ST6GALNAC3: variants seen among roughly 807,000 people sequenced by gnomAD.
ST6GALNAC3 encodes ST6 N-acetylgalactosaminide alpha-2,6-sialyltransferase 3.
In ST6GALNAC3, 25 loss-of-function variants were observed where a neutral mutation model predicts 32.7. That is an observed-to-expected ratio of 0.76 (90% CI 0.56 to 1.07). The LOEUF is 1.07. ST6GALNAC3 is among the 50% of genes least tolerant of loss of function. The pLI, the probability that ST6GALNAC3 is intolerant of heterozygous loss-of-function variation, is 0.00. For missense variants in ST6GALNAC3, 355 were observed against 382.4 expected (o/e 0.93, Z 0.60); for synonymous variants, 129 against 133.1 (o/e 0.97, Z 0.21).
At chr1:76,607,742 TA>T (rs1647655012) in intron 3 of ST6GALNAC3, among the ~76,000 whole-genome samples, 1 of 152,122 alleles carries the variant, frequency 6.6e-6, no homozygotes, top group Non-Finnish European at 1.5e-5. Context: ...GTGCAAGTCT[TA>T]TACAAACAGG....
chr1:76,570,160 G>A (rs1180718631), intron 3 of ST6GALNAC3, among the ~76,000 whole-genome samples: 3 of 152,130 alleles, frequency 2.0e-5, no homozygotes, highest in African/African-American at 7.2e-5. Context: ...ACTCATGTTT[G>A]TTGAGCTAAT....
At chr1:76,335,179 G>T (rs889137135) in intron 2 of ST6GALNAC3, among the ~76,000 whole-genome samples, 1 of 152,186 alleles carries the variant, frequency 6.6e-6, no homozygotes, top group African/African-American at 2.4e-5. Flanking sequence ...CTCTTACCAT[G>T]CAGTTTATAA....
At chr1:76,325,801 A>G (rs1458400446) in intron 2 of ST6GALNAC3, among the ~76,000 whole-genome samples, 2 of 150,730 alleles carry the variant, frequency 1.3e-5, no homozygotes, top group African/African-American at 2.4e-5. Context: ...AAATATATAT[A>G]TATATATTTG....
At chr1:76,284,012 G>C (rs1293158281) in intron 1 of ST6GALNAC3, among the ~76,000 whole-genome samples, 1 of 144,940 alleles carries the variant, frequency 6.9e-6, no homozygotes, top group Non-Finnish European at 1.5e-5. Flanking sequence ...TTTTGCCCTG[G>C]CTTGTTGGGA....
chr1:76,625,514 A>G (rs560536445), intron 3 of ST6GALNAC3, among the ~76,000 whole-genome samples: 2 of 152,088 alleles, frequency 1.3e-5, no homozygotes, highest in African/African-American at 4.8e-5. Context: ...CCATAGGAAT[A>G]ATAACCAGAC....
chr1:76,171,858 A>G (rs902174090), intron 1 of ST6GALNAC3, among the ~76,000 whole-genome samples: 8 of 76,010 alleles, frequency 1.1e-4, no homozygotes, highest in East Asian at 1.1e-3. Flanking sequence ...GAAAAACAAA[A>G]CAGGACCAGA....
chr1:76,613,729 C>T (rs767314747), intron 3 of ST6GALNAC3, among the ~76,000 whole-genome samples: 7 of 152,214 alleles, frequency 4.6e-5, no homozygotes, highest in Non-Finnish European at 1.0e-4. Flanking sequence ...GCTCTGGCCA[C>T]GTAAGACGTG....
At chr1:76,272,435 A>G (rs778198046) in intron 1 of ST6GALNAC3, among the ~76,000 whole-genome samples, 29 of 152,154 alleles carry the variant, frequency 1.9e-4, no homozygotes, top group Non-Finnish European at 3.1e-4. Flanking sequence ...CATTCTTTTT[A>G]CAGATGAGAG....
chr1:76,165,861 G>GT (rs1014529061), intron 1 of ST6GALNAC3, among the ~76,000 whole-genome samples: 10 of 149,230 alleles, frequency 6.7e-5, no homozygotes, highest in South Asian at 2.1e-4. Flanking sequence ...TTTCTAATGG[G>GT]TTTTTTTTCT....
chr1:76,544,055 A>G (rs999052980), intron 3 of ST6GALNAC3, among the ~76,000 whole-genome samples: 1 of 146,238 alleles, frequency 6.8e-6, no homozygotes, highest in African/African-American at 2.5e-5. Flanking sequence ...AGTGGGGGAG[A>G]TAGTCATCAT....
intron 1 of ST6GALNAC3, among the ~76,000 whole-genome samples, chr1:76,164,210 T>C (rs768491762): frequency 1.3e-5 from 2 of 152,146 alleles, no homozygotes; most frequent in Non-Finnish European, 2.9e-5. Context: ...AGGCTGCTGC[T>C]GTGAGGGTGC....
intron 3 of ST6GALNAC3, among the ~76,000 whole-genome samples, chr1:76,485,929 G>T (rs981336153): frequency 6.8e-4 from 104 of 152,212 alleles, no homozygotes; most frequent in African/African-American, 2.1e-3. Flanking sequence ...TTGTGTCTTT[G>T]TTCTCATTGG....
chr1:76,407,072 A>G (rs1257577935), intron 2 of ST6GALNAC3, among the ~76,000 whole-genome samples: 1 of 151,976 alleles, frequency 6.6e-6, no homozygotes, highest in East Asian at 1.9e-4. Context: ...GCCCCAGCCA[A>G]TAATCAAGTC....
intron 1 of ST6GALNAC3, among the ~76,000 whole-genome samples, chr1:76,174,465 G>T (rs1382132860): frequency 6.6e-6 from 1 of 151,308 alleles, no homozygotes; most frequent in East Asian, 1.9e-4. Context: ...AAAAATTTCA[G>T]TGTTAATGAC....
chr1:76,195,761 T>C (rs1352521809), intron 1 of ST6GALNAC3, among the ~76,000 whole-genome samples: 1 of 152,138 alleles, frequency 6.6e-6, no homozygotes, highest in African/African-American at 2.4e-5. Context: ...CATCCCCTAC[T>C]CCCCAACATT....
intron 3 of ST6GALNAC3, among the ~76,000 whole-genome samples, chr1:76,551,300 T>C (rs185840972): frequency 2.0e-5 from 3 of 152,302 alleles, no homozygotes; most frequent in Admixed American, 6.5e-5. Context: ...TGTCATTGCA[T>C]TGACATATGG....
At position 76,421,604 on chromosome 1, in the gene ST6GALNAC3, A is replaced by C. The variant is rs569142267; in HGVS notation, c.623+9187A>C. 1.6e-4 allele frequency among the ~76,000 whole-genome samples: 25 copies of C among 152,206 alleles called. No individual in the cohort carries two copies. The South Asian group carries it at 4.8e-3, about 29-fold the overall frequency. ...TAAAGGAGAACTGAAAACTCTCATA[A>C]AACAACCTGAGCTTCTCTACCAAAC... On this transcript the variant is annotated intron_variant, in intron 3 of 4. Coordinates refer to ENST00000328299, the MANE Select transcript of ST6GALNAC3 (RefSeq NM_152996.4).
At position 76,632,752 on chromosome 1, in the gene ST6GALNAC3, C is replaced by T. The variant is rs570964735; in HGVS notation, c.*3946C>T. The T allele has an allele frequency of 5.3e-5, 8 of 151,810 alleles. No homozygotes were observed. In the South Asian group the frequency reaches 1.5e-3, roughly 28 times the overall value. The allele number at this position is 151,810 out of a possible 1,614,324, so 9.4% of individuals were successfully genotyped here. ...GTTAATTGGATGTTAATTATGAGCT[C>T]GGTTTAATTTCAATAAGCAAGAAAA... On this transcript the variant is annotated 3_prime_UTR_variant, in exon 5 of 5. Transcript: ENST00000328299.
chr1:76,253,587 C>A (rs568634016), intron 1 of ST6GALNAC3, among the ~76,000 whole-genome samples: 1 of 152,118 alleles, frequency 6.6e-6, no homozygotes, highest in Non-Finnish European at 1.5e-5. Flanking sequence ...TATTCAGTCA[C>A]GTAGATCATT....
Sources: gnomAD v4.1 joint callset for allele counts (sites outside exome capture counted in the v4.1 genomes callset) on GRCh38, gnomAD v4.1.1 for gene constraint, MANE v1.5 for transcripts, NCBI Gene and HGNC (gene_info 2026-07-23, HGNC 2026-07-21) for gene names.